PCDHGA5: variants seen among roughly 807,000 people sequenced by gnomAD.
PCDHGA5 encodes the protein protocadherin gamma-A5.
In PCDHGA5, 36 loss-of-function variants were observed where a neutral mutation model predicts 56.7. That is an observed-to-expected ratio of 0.64 (90% CI 0.49 to 0.84). PCDHGA5 has a LOEUF of 0.84. Ranked by LOEUF, PCDHGA5 falls within the 40% of genes least tolerant of loss-of-function variation. PCDHGA5 has a pLI of 0.00. For synonymous variants in PCDHGA5, 563 were observed against 520.2 expected, an observed-to-expected ratio of 1.08 and a Z score of -1.12; for missense variants, 1,305 against 1,201.5, an observed-to-expected ratio of 1.09 and a Z score of -1.27.
rs765454115 is a variant in PCDHGA5, at chr5:141,410,470, T to C, written c.2421+43719T>C. On this transcript the variant is annotated intron_variant, in intron 1 of 3. Coordinates refer to ENST00000518069, the MANE Select transcript of PCDHGA5 (RefSeq NM_018918.3). Reference sequence around the variant, plus strand: ...TGCCTTATTCTTATAATCTGTGCATTGCACATACGGGTACAAAAGAGTTTA... The same window carrying C: ...TGCCTTATTCTTATAATCTGTGCATCGCACATACGGGTACAAAAGAGTTTA... 1.9e-6 allele frequency: 3 copies of C among 1,613,922 alleles called. No individual in the cohort carries two copies. The African/African-American group carries it at 4.0e-5, about 22-fold the overall frequency.
intron 1 of PCDHGA5, among the ~76,000 whole-genome samples, chr5:141,475,750 T>C (rs1158317865): frequency 6.6e-6 from 1 of 152,270 alleles, no homozygotes; most frequent in African/African-American, 2.4e-5. Context: ...AGGTTTCCTA[T>C]GCACCGATAC....
At chr5:141,383,657 A>G in intron 1 of PCDHGA5, 2 of 1,614,058 alleles carry the variant, frequency 1.2e-6, no homozygotes, top group Non-Finnish European at 1.7e-6. Context: ...ACTGTCCCCG[A>G]GAATGTGCCA....
At chr5:141,481,441 T>C (rs1397908285) in intron 1 of PCDHGA5, among the ~76,000 whole-genome samples, 1 of 152,250 alleles carries the variant, frequency 6.6e-6, no homozygotes, top group East Asian at 1.9e-4. Context: ...ATCAGTTTAG[T>C]ACATGTAAAT....
intron 1 of PCDHGA5, among the ~76,000 whole-genome samples, chr5:141,468,777 A>T (rs2099178581): frequency 6.7e-6 from 1 of 150,364 alleles, no homozygotes; most frequent in Non-Finnish European, 1.5e-5. Flanking sequence ...GAGGCAGGAG[A>T]ATGGCGTGAA....
At chr5:141,412,601 A>G (rs2095565422) in intron 1 of PCDHGA5, 1 of 152,188 alleles carries the variant, frequency 6.6e-6, no homozygotes, top group African/African-American at 2.4e-5. Context: ...ACTAAATAAA[A>G]TTGGCCTATT....
At chr5:141,396,661 A>T (rs2093417070) in intron 1 of PCDHGA5, 1 of 152,162 alleles carries the variant, frequency 6.6e-6, no homozygotes, top group Admixed American at 6.5e-5. Flanking sequence ...AACTCGGTAT[A>T]GGCTATCCAT....
intron 1 of PCDHGA5, chr5:141,478,139 G>A: frequency 6.2e-7 from 1 of 1,614,040 alleles, no homozygotes; most frequent in Non-Finnish European, 8.5e-7. Context: ...TGAAGCCCGA[G>A]CCGAGTTCCC....
In PCDHGA5 at chr5:141,491,276, A is replaced by G; in HGVS notation, c.2422-3531A>G. The G allele has an allele frequency of 6.2e-7, 1 of 1,614,104 alleles. No individual in the cohort carries two copies. On this transcript the variant is annotated intron_variant, in intron 1 of 3. Coordinates refer to ENST00000518069, the MANE Select transcript of PCDHGA5 (RefSeq NM_018918.3). The surrounding 1 kb of genome is among the most constrained non-coding windows in gnomAD (Gnocchi z 6.9). ...CCTGAGGAAATGCCCAAATCCAGTG[A>G]CTTCCTCATACACCCTCCTGAGCGT...
intron 1 of PCDHGA5, chr5:141,422,633 G>C: frequency 6.2e-7 from 1 of 1,613,120 alleles, no homozygotes; most frequent in Non-Finnish European, 8.5e-7. Context: ...AACCCCAGGG[G>C]TGCCTCCATC....
At chr5:141,399,048 G>C (rs779434482) in intron 1 of PCDHGA5, 7 of 1,613,830 alleles carry the variant, frequency 4.3e-6, no homozygotes, top group Non-Finnish European at 5.1e-6. Flanking sequence ...ATTTTGAAGA[G>C]ACCAAGGAAT....
At chr5:141,372,155 G>C in intron 1 of PCDHGA5, 1 of 1,613,796 alleles carries the variant, frequency 6.2e-7, no homozygotes, top group Non-Finnish European at 8.5e-7. Flanking sequence ...CTGGCTACCT[G>C]GTGACCAAGG....
chr5:141,468,814 C>G (rs2099180978), intron 1 of PCDHGA5, among the ~76,000 whole-genome samples: 1 of 151,814 alleles, frequency 6.6e-6, no homozygotes, highest in African/African-American at 2.4e-5. Context: ...TGCAGTGAGC[C>G]AAGATCAAGC....
Position 141,437,485 on chromosome 5 carries a change from C to T in PCDHGA5, c.2422-57322C>T, listed in dbSNP as rs372023505. The stretch of plus-strand genomic sequence containing the variant: ...TATACTTTTATAGCATATTTAATCT[C>T]GTAGATCACTTTTCAATGAATTATA... On this transcript the variant is annotated intron_variant, in intron 1 of 3. Transcript: ENST00000518069. Among the ~76,000 whole-genome samples, 16 of 152,188 alleles carry T rather than the reference C, an allele frequency of 1.1e-4. No individual in the cohort carries two copies. In the East Asian group the frequency reaches 2.9e-3, roughly 28 times the overall value.
At chr5:141,465,141 A>AT (rs1341872532) in intron 1 of PCDHGA5, among the ~76,000 whole-genome samples, 2 of 151,678 alleles carry the variant, frequency 1.3e-5, no homozygotes, top group Non-Finnish European at 2.9e-5. Flanking sequence ...AGTTTAGGGG[A>AT]TATATGAAGG....
At chr5:141,410,526 C>T in intron 1 of PCDHGA5, 4 of 1,613,920 alleles carry the variant, frequency 2.5e-6, no homozygotes, top group Non-Finnish European at 3.4e-6. Context: ...CCCCTACATT[C>T]CAATGAAGAC....
chr5:141,448,786 A>C (rs1354591718), intron 1 of PCDHGA5, among the ~76,000 whole-genome samples: 1 of 148,848 alleles, frequency 6.7e-6, no homozygotes, highest in African/African-American at 2.5e-5. Flanking sequence ...TAAAAATACA[A>C]AAAAAAAAAT....
intron 2 of PCDHGA5, among the ~76,000 whole-genome samples, chr5:141,504,059 T>C (rs1179226175): frequency 6.6e-6 from 1 of 152,184 alleles, no homozygotes; most frequent in Admixed American, 6.6e-5. Flanking sequence ...ATTGAAAAAC[T>C]TCTCTGAGCC....
intron 1 of PCDHGA5, chr5:141,388,657 G>T (rs769160604): frequency 6.8e-6 from 11 of 1,613,878 alleles, no homozygotes; most frequent in Admixed American, 1.7e-5. Context: ...GTGTACCCGG[G>T]GACCACGGTG....
At chr5:141,422,375 TCTC>T in intron 1 of PCDHGA5, 1 of 1,570,814 alleles carries the variant, frequency 6.4e-7, no homozygotes, top group Non-Finnish European at 8.6e-7. Context: ...AATGGTCAAG[TCTC>T]CTGTTTTATT....
Sources: gnomAD v4.1 joint callset for allele counts (sites outside exome capture counted in the v4.1 genomes callset) on GRCh38, gnomAD v4.1.1 for gene constraint, Gnocchi (gnomAD v3.1) non-coding constraint, MANE v1.5 for transcripts, NCBI Gene and HGNC (gene_info 2026-07-23, HGNC 2026-07-21) for gene names.